Variants in MRO observed in about 807,000 individuals in gnomAD.
MRO encodes protein maestro.
Under a neutral mutation model 31.0 loss-of-function variants are expected in MRO, and 28 were observed. The observed-to-expected ratio is 0.90, with a 90% confidence interval of 0.67 to 1.24. The LOEUF (loss-of-function observed/expected upper bound fraction) is 1.24, where lower values mean the gene tolerates loss of function less well. MRO is among the 50% of genes most tolerant of loss of function. The pLI is 0.00. For missense variants in MRO, 332 were observed against 289.2 expected (o/e 1.15, Z -1.07); for synonymous variants, 108 against 108.4 (o/e 1.00, Z 0.02).
At chr18:50,822,027 G>A (rs1915322712), upstream of MRO, among the ~76,000 whole-genome samples, 1 of 152,156 alleles carries the variant, frequency 6.6e-6, no homozygotes, top group Non-Finnish European at 1.5e-5. Flanking sequence ...CAGTTCTTTG[G>A]AAATTAGAGG....
At position 50,795,310 on chromosome 18, in the gene MRO, A is replaced by T. The variant is rs1281469674; in HGVS notation, c.*4027T>A. On this transcript the variant is annotated 3_prime_UTR_variant, in exon 8 of 8. Coordinates refer to ENST00000398439, the MANE Select transcript of MRO (RefSeq NM_031939.6). ...ACTTACACTCATGGACTTTTTTTTC[A>T]TTTTAAAAGGGCATTTTGCATGTGT... The T allele has an allele frequency of 6.6e-6, 1 of 151,996 alleles. No homozygotes were observed. Among genetic ancestry groups the T allele is most frequent in the East Asian group, 1.9e-4 (1 of 5,188 alleles). The allele number at this position is 151,996 out of a possible 1,614,324, so 9.4% of individuals were successfully genotyped here.
chr18:50,816,348 T>G (rs1197355211), intron 2 of MRO, among the ~76,000 whole-genome samples: 1 of 152,238 alleles, frequency 6.6e-6, no homozygotes, highest in Non-Finnish European at 1.5e-5. Flanking sequence ...CTTTTTCTTT[T>G]TCTTTTCATT....
intron 2 of MRO, 102 bp downstream of exon 2, chr18:50,819,479 T>A (rs1373184998): frequency 1.3e-6 from 2 of 1,492,608 alleles, no homozygotes; most frequent in African/African-American, 2.8e-5. Context: ...CGAGCTCCCA[T>A]ACTGGTGACC....
intron 3 of MRO, among the ~76,000 whole-genome samples, chr18:50,808,859 C>CA (rs1236783235): frequency 8.6e-5 from 13 of 151,162 alleles, no homozygotes; most frequent in African/African-American, 3.2e-4. Context: ...AACTGTCGGC[C>CA]GGGCGCGGTG....
At chr18:50,800,212 T>C (rs1055053569) in intron 6 of MRO, 69 bp from the exon 7 acceptor site, 1 of 1,128,632 alleles carries the variant, frequency 8.9e-7, no homozygotes, top group African/African-American at 1.6e-5. Flanking sequence ...AAAAGTATCC[T>C]AGAGGATTGC....
chr18:50,799,072 G>A lies in MRO; in HGVS notation c.*265C>T. 7.7e-6 allele frequency: 3 copies of A among 389,234 alleles called. No individual in the cohort carries two copies. In the East Asian group the frequency reaches 1.5e-4, roughly 19 times the overall value. 24.1% of individuals were successfully genotyped at this position (389,234 alleles called of 1,614,324 possible). A position where few individuals can be genotyped will look rare whatever the true frequency, so the allele number is the denominator to read the frequency against. On this transcript the variant is annotated 3_prime_UTR_variant, in exon 8 of 8. Transcript: ENST00000398439. ...TAAGCACTGAATCTATATACACTTG[G>A]AATGTTTTAAAGAAAGTGTGTACCT...
intron 2 of MRO, among the ~76,000 whole-genome samples, chr18:50,817,129 G>T (rs1235955483): frequency 6.6e-6 from 1 of 152,080 alleles, no homozygotes; most frequent in Non-Finnish European, 1.5e-5. Flanking sequence ...TGGAAGATTC[G>T]ATCTGTGATT....
At chr18:50,820,038 A>G (rs982719538), upstream of MRO, 59 of 1,324,778 alleles carry the variant, frequency 4.5e-5, no homozygotes, top group Non-Finnish European at 6.0e-5. Context: ...CTCTGCACCA[A>G]ACAAAACCTC....
Position 50,806,729 on chromosome 18 carries a change from G to A in MRO, c.221C>T (p.Thr74Ile). Residue 74 changes from threonine (T) to isoleucine (I), a missense_variant, in exon 4 of 8, where the codon ACC (threonine) becomes ATC (isoleucine). Transcript: ENST00000398439. ...KRHMAMRNLG[T>I]MAYEAPDKVR... ...CTTGTCAGGGGCTTCATAGGCCATG[G>A]TTCCCAAGTTTCTCATTGCCATGTG... 3 of 1,614,174 alleles carry A rather than the reference G, an allele frequency of 1.9e-6. No homozygotes were observed. The highest frequency in any genetic ancestry group is 2.5e-6 in the Non-Finnish European group (3 of 1,180,036).
chr18:50,815,441 A>T, intron 2 of MRO: 1 of 262,408 alleles, frequency 3.8e-6, no homozygotes, highest in East Asian at 9.5e-5. Flanking sequence ...GATGGTAGCC[A>T]CTATGGGTGG....
upstream of MRO, chr18:50,820,118 C>T (rs1272523265): frequency 2.6e-5 from 18 of 686,760 alleles, no homozygotes; most frequent in Middle Eastern, 4.0e-4. Flanking sequence ...TCCAGGCGAC[C>T]CCTGCACAAA....
intron 2 of MRO, among the ~76,000 whole-genome samples, chr18:50,812,406 T>C (rs137973067): frequency 1.4e-4 from 21 of 152,370 alleles, no homozygotes; most frequent in African/African-American, 4.6e-4. Flanking sequence ...ATATTCTGAA[T>C]ACTAGACTAT....
At chr18:50,817,700 G>T (rs1173969977) in intron 2 of MRO, among the ~76,000 whole-genome samples, 1 of 149,982 alleles carries the variant, frequency 6.7e-6, no homozygotes, top group Non-Finnish European at 1.5e-5. Context: ...CAGAAACCAT[G>T]GAAGTCAGGG....
chr18:50,803,068 G>A (rs553505632), intron 5 of MRO, among the ~76,000 whole-genome samples: 9 of 152,226 alleles, frequency 5.9e-5, no homozygotes, highest in South Asian at 2.1e-4. Flanking sequence ...GGGAACACAC[G>A]CACGGGTGAG....
intron 5 of MRO, among the ~76,000 whole-genome samples, chr18:50,801,939 C>G (rs1261207922): frequency 6.6e-6 from 1 of 152,128 alleles, no homozygotes; most frequent in Non-Finnish European, 1.5e-5. Flanking sequence ...TCCCCACAAG[C>G]TAATAAAGTT....
chr18:50,821,193 T>C (rs1915288187), upstream of MRO, among the ~76,000 whole-genome samples: 2 of 152,146 alleles, frequency 1.3e-5, 1 homozygote, highest in South Asian at 4.1e-4. Flanking sequence ...TGTTTGAAAG[T>C]GGTTGCAAGG....
chr18:50,800,075 A>T lies in MRO; in HGVS notation c.654T>A (p.Ser218Arg). The T allele has an allele frequency of 6.2e-7, 1 of 1,613,676 alleles. No homozygotes were observed. The highest frequency in any genetic ancestry group is 8.5e-7 in the Non-Finnish European group (1 of 1,179,792). Residue 218 changes from serine to arginine, a missense_variant, in exon 7 of 8, where the codon AGT (serine) becomes AGA (arginine). Coordinates refer to ENST00000398439, the MANE Select transcript of MRO (RefSeq NM_031939.6). ...GCTTAGTGTTCCTTTGATCTTCTTC[A>T]CTCTGGAAGCTGTATTCCTCCTTTA... ...LKLKEEYSFQSEEDQRNTKLY... is the reference protein window; with the variant it reads ...LKLKEEYSFQREEDQRNTKLY...
chr18:50,799,965 G>A lies in MRO; in HGVS notation c.693+71C>T, dbSNP rs1003451346. 1.1e-5 allele frequency: 12 copies of A among 1,049,796 alleles called. No individual in the cohort carries two copies. In the Admixed American group the frequency reaches 2.4e-4, roughly 21 times the overall value. 65.0% of individuals were successfully genotyped at this position (1,049,796 alleles called of 1,614,324 possible). ...AGGGGGTAACTCTTTCTTGTGCTTG[G>A]CCACCTTCCGTGTTAACCACCAGGA... On this transcript the variant is annotated intron_variant, in intron 7 of 7. Transcript: ENST00000398439.
rs1406714640 is a variant in MRO at position 50,796,417 on chromosome 18, C to T, written c.*2920G>A. 2 of 150,864 alleles carry T rather than the reference C, an allele frequency of 1.3e-5. No homozygotes were observed. The highest frequency in any genetic ancestry group is 3.0e-5 in the Non-Finnish European group (2 of 67,776). 9.3% of individuals were successfully genotyped at this position (150,864 alleles called of 1,614,324 possible). ...ACAGGATAAAAAAAAAAACATAAAG[C>T]CATATACAAAAAAAAACTTTTCAGA... is the stretch of plus-strand genomic sequence containing the variant. On this transcript the variant is annotated 3_prime_UTR_variant, in exon 8 of 8. Coordinates refer to ENST00000398439, the MANE Select transcript of MRO (RefSeq NM_031939.6).
Sources: gnomAD v4.1 joint callset for allele counts (sites outside exome capture counted in the v4.1 genomes callset) on GRCh38, gnomAD v4.1.1 for gene constraint, MANE v1.5 for transcripts, NCBI Gene and HGNC (gene_info 2026-07-23, HGNC 2026-07-21) for gene names.